Variants in SCAMP1 observed in about 807,000 individuals in gnomAD.
SCAMP1 encodes secretory carrier-associated membrane protein 1.
A neutral mutation model predicts 41.8 loss-of-function variants in SCAMP1; 15 were observed. The observed-to-expected ratio is 0.36, with a 90% CI of 0.24 to 0.55. The LOEUF (loss-of-function observed/expected upper bound fraction) is 0.55. Ranked by LOEUF, SCAMP1 falls within the 20% of genes least tolerant of loss-of-function variation. The probability of loss-of-function intolerance (pLI) is 0.86; values close to 1 mark genes in which losing one functional copy is unlikely to be tolerated. For synonymous variants in SCAMP1, 135 were observed against 136.8 expected (o/e 0.99, Z 0.09); for missense variants, 341 against 412.6 (o/e 0.83, Z 1.50).
intron 7 of SCAMP1, among the ~76,000 whole-genome samples, chr5:78,457,470 G>GA (rs1370870913): frequency 2.6e-5 from 4 of 152,064 alleles, no homozygotes; most frequent in Non-Finnish European, 5.9e-5. Flanking sequence ...TGCCCCTGCT[G>GA]GGGGGTGCCT....
At chr5:78,411,383 A>G (rs1752071228) in intron 2 of SCAMP1, among the ~76,000 whole-genome samples, 1 of 152,202 alleles carries the variant, frequency 6.6e-6, no homozygotes, top group African/African-American at 2.4e-5. Flanking sequence ...GCATTTGGAA[A>G]AGAGAATTTG....
At chr5:78,460,505 A>C in intron 8 of SCAMP1, among the ~76,000 whole-genome samples, 1 of 151,860 alleles carries the variant, frequency 6.6e-6, no homozygotes, top group Non-Finnish European at 1.5e-5. Context: ...CTGATTGGTG[A>C]TGTTGAGTTT....
At chr5:78,404,453 GTTTTTTTTTTT>G (rs3058233) in intron 2 of SCAMP1, among the ~76,000 whole-genome samples, 1 of 98,180 alleles carries the variant, frequency 1.0e-5, no homozygotes, top group Non-Finnish European at 1.9e-5. Flanking sequence ...AGCCTTACAG[GTTTTTTTTTTT>G]TTTTTTTTTG....
intron 1 of SCAMP1, among the ~76,000 whole-genome samples, chr5:78,365,004 C>T (rs944369611): frequency 1.3e-5 from 2 of 151,314 alleles, no homozygotes; most frequent in African/African-American, 4.9e-5. Context: ...GCACATGTAC[C>T]CTAGAAGTAT....
chr5:78,403,435 G>T (rs879785681), intron 2 of SCAMP1, among the ~76,000 whole-genome samples: 15 of 152,000 alleles, frequency 9.9e-5, no homozygotes, highest in East Asian at 1.9e-4. Context: ...ATTTGCAGAA[G>T]AACCCATAAT....
intron 6 of SCAMP1, among the ~76,000 whole-genome samples, chr5:78,428,425 C>G (rs1412580589): frequency 6.6e-6 from 1 of 152,124 alleles, no homozygotes; most frequent in African/African-American, 2.4e-5. Context: ...TCTTGCAAAT[C>G]CATTGACCAG....
chr5:78,364,325 G>A (rs2112034094), intron 1 of SCAMP1, among the ~76,000 whole-genome samples: 1 of 152,310 alleles, frequency 6.6e-6, no homozygotes, highest in South Asian at 2.1e-4. Context: ...AAATTTTCAT[G>A]CTTTATGCTT....
chr5:78,425,236 G>T (rs1752440662), intron 6 of SCAMP1, among the ~76,000 whole-genome samples: 1 of 152,072 alleles, frequency 6.6e-6, no homozygotes, highest in East Asian at 1.9e-4. Context: ...TTTTAATTAT[G>T]ATGTATTTAA....
intron 1 of SCAMP1, among the ~76,000 whole-genome samples, chr5:78,371,587 G>C (rs1750944506): frequency 6.6e-6 from 1 of 152,094 alleles, no homozygotes; most frequent in Admixed American, 6.6e-5. Flanking sequence ...ATATTAACTT[G>C]TCCGGCTTCT....
intron 6 of SCAMP1, among the ~76,000 whole-genome samples, chr5:78,448,424 G>A (rs1356202202): frequency 2.6e-5 from 4 of 151,654 alleles, no homozygotes; most frequent in Non-Finnish European, 4.4e-5. Context: ...TGTATTTCTA[G>A]AATATAGTTT....
At chr5:78,397,292 A>G (rs1751676674) in intron 2 of SCAMP1, among the ~76,000 whole-genome samples, 1 of 152,152 alleles carries the variant, frequency 6.6e-6, no homozygotes, top group Admixed American at 6.5e-5. Context: ...ATACAGTAGA[A>G]TGAAGTTGGA....
In SCAMP1 at chr5:78,448,456, G is replaced by A. The variant is rs907776724; in HGVS notation, c.633-1477G>A. 3.9e-5 allele frequency among the ~76,000 whole-genome samples: 6 copies of A among 151,930 alleles called. No individual in the cohort carries two copies. The South Asian group carries it at 6.2e-4, about 16-fold the overall frequency. On this transcript the variant is annotated intron_variant, in intron 6 of 8. Transcript: ENST00000621999. ...GTTTTAAAAACTCTCACAACTCAAC[G>A]ATAAAGGAAAAAGCAATCTAATTAC...
chr5:78,440,287 C>T (rs1052669161), intron 6 of SCAMP1, among the ~76,000 whole-genome samples: 2 of 152,182 alleles, frequency 1.3e-5, no homozygotes, highest in Admixed American at 1.3e-4. Context: ...AAGGGGCGCT[C>T]TGATTTTTAG....
chr5:78,462,227 GTC>G (rs1554047172), intron 8 of SCAMP1, among the ~76,000 whole-genome samples: 1 of 150,464 alleles, frequency 6.6e-6, no homozygotes, highest in Admixed American at 6.6e-5. Flanking sequence ...GTGTGTGTGT[GTC>G]TATTGTAAAT....
At chr5:78,396,653 T>C (rs1009174110) in intron 2 of SCAMP1, among the ~76,000 whole-genome samples, 1 of 151,948 alleles carries the variant, frequency 6.6e-6, no homozygotes, top group Admixed American at 6.6e-5. Flanking sequence ...ATCAATTGAG[T>C]GAACATGTAT....
intron 2 of SCAMP1, among the ~76,000 whole-genome samples, chr5:78,402,428 A>G (rs1751822306): frequency 6.6e-6 from 1 of 152,106 alleles, no homozygotes; most frequent in Non-Finnish European, 1.5e-5. Context: ...TTGAGTCTAC[A>G]ACTATAATAG....
In SCAMP1 at chr5:78,374,059, G is replaced by A. The variant is rs73128347; in HGVS notation, c.57+13331G>A. Reference sequence around the variant, plus strand: ...GAGTAAGAGTAGGTTATTTAGTAACGTATATGAAACTCCCAAAAATCAGAT... The same window carrying A: ...GAGTAAGAGTAGGTTATTTAGTAACATATATGAAACTCCCAAAAATCAGAT... On this transcript the variant is annotated intron_variant, in intron 1 of 8. Coordinates refer to ENST00000621999, the MANE Select transcript of SCAMP1 (RefSeq NM_004866.6). Among the ~76,000 whole-genome samples the A allele has an allele frequency of 8.4e-3, 1,280 of 152,120 alleles. 20 individuals carry two copies. Among genetic ancestry groups the A allele is most frequent in the African/African-American group, 0.029 (1,193 of 41,504 alleles).
chr5:78,449,872 T>G, intron 6 of SCAMP1, 61 bp from the exon 7 acceptor site: 1 of 855,340 alleles, frequency 1.2e-6, no homozygotes, highest in Non-Finnish European at 1.8e-6. Flanking sequence ...AAATGACGTT[T>G]TTCCCCTTCT....
intron 1 of SCAMP1, among the ~76,000 whole-genome samples, chr5:78,362,819 A>G (rs918944988): frequency 3.4e-4 from 52 of 151,214 alleles, no homozygotes; most frequent in Non-Finnish European, 1.3e-4. Flanking sequence ...TTGAAATAAC[A>G]TTTCTGATAC....
Sources: allele counts gnomAD v4.1 joint callset (sites outside exome capture counted in the v4.1 genomes callset), GRCh38; gene constraint gnomAD v4.1.1; transcripts MANE v1.5; gene names NCBI Gene and HGNC (gene_info 2026-07-23, HGNC 2026-07-21).